Variants in ADGRL2 observed in about 807,000 individuals in gnomAD.
ADGRL2 encodes adhesion G protein-coupled receptor L2.
A neutral mutation model predicts 157.4 loss-of-function variants in ADGRL2; 44 were observed. That is an observed-to-expected ratio of 0.28 (90% CI 0.22 to 0.36). ADGRL2 has a LOEUF of 0.36. Ranked by LOEUF, ADGRL2 falls within the 10% of genes least tolerant of loss-of-function variation. ADGRL2 has a pLI of 1.00. For missense variants in ADGRL2, 1,510 were observed against 1,768.9 expected (o/e 0.85, Z 2.63); for synonymous variants, 585 against 624.7 (o/e 0.94, Z 0.95).
At chr1:81,660,931 CA>C (rs2148878975) in intron 3 of ADGRL2, among the ~76,000 whole-genome samples, 2 of 152,252 alleles carry the variant, frequency 1.3e-5, no homozygotes, top group South Asian at 4.1e-4. Context: ...GAGGAGAGTT[CA>C]GGGTGAAGTG....
chr1:81,418,474 G>T (rs556957039), intron 1 of ADGRL2, among the ~76,000 whole-genome samples: 10 of 152,164 alleles, frequency 6.6e-5, no homozygotes, highest in Non-Finnish European at 1.5e-4. Context: ...ATTCCAGGCC[G>T]AGTGTGGTGG....
At chr1:81,982,048 A>C in intron 19 of ADGRL2, 72 bp downstream of exon 19, 1 of 1,225,588 alleles carries the variant, frequency 8.2e-7, no homozygotes, top group Non-Finnish European at 1.1e-6. Flanking sequence ...TATAATAAAG[A>C]ATATTTTAAG....
At chr1:81,825,039 C>G (rs1230459728) in intron 1 of ADGRL2, among the ~76,000 whole-genome samples, 2 of 149,584 alleles carry the variant, frequency 1.3e-5, no homozygotes, top group African/African-American at 2.5e-5. Flanking sequence ...TTGCAACTTT[C>G]TTGTTGTTAA....
chr1:81,839,914 C>CAT (rs1050877293), intron 2 of ADGRL2, among the ~76,000 whole-genome samples: 1 of 126,342 alleles, frequency 7.9e-6, no homozygotes, highest in Non-Finnish European at 1.6e-5. Context: ...TATTTTCCAT[C>CAT]ATATATATAT....
chr1:81,622,015 A>C (rs1489117296), intron 3 of ADGRL2, among the ~76,000 whole-genome samples: 1 of 152,198 alleles, frequency 6.6e-6, no homozygotes, highest in African/African-American at 2.4e-5. Context: ...TTATCATTTG[A>C]AGTCCTATCC....
intron 1 of ADGRL2, among the ~76,000 whole-genome samples, chr1:81,409,220 C>T (rs749591552): frequency 4.6e-5 from 7 of 152,036 alleles, no homozygotes; most frequent in Non-Finnish European, 7.4e-5. Context: ...CTGGTGCATC[C>T]GCTACTAAAA....
At chr1:81,356,997 A>C (rs540186128) in intron 1 of ADGRL2, among the ~76,000 whole-genome samples, 1 of 145,510 alleles carries the variant, frequency 6.9e-6, no homozygotes, top group Non-Finnish European at 1.5e-5. Context: ...TTTAAAGCTC[A>C]TTAAGAATCA....
At chr1:81,614,778 A>T (rs1397936619) in intron 3 of ADGRL2, among the ~76,000 whole-genome samples, 2 of 152,068 alleles carry the variant, frequency 1.3e-5, no homozygotes, top group South Asian at 2.1e-4. Flanking sequence ...TAATCCGAGC[A>T]CTTTGGGAAG....
At chr1:81,695,494 T>G (rs1450983249), upstream of ADGRL2, among the ~76,000 whole-genome samples, 1 of 152,166 alleles carries the variant, frequency 6.6e-6, no homozygotes, top group Non-Finnish European at 1.5e-5. Context: ...ACCCCTTGGA[T>G]TAGCACACGG....
At chr1:81,593,618 T>C (rs960829975) in intron 3 of ADGRL2, among the ~76,000 whole-genome samples, 2 of 152,214 alleles carry the variant, frequency 1.3e-5, no homozygotes, top group African/African-American at 2.4e-5. Context: ...GGTTTTGGGC[T>C]CTATTACCTC....
chr1:81,802,747 CG>C (rs947585430), intron 1 of ADGRL2, among the ~76,000 whole-genome samples: 2 of 152,044 alleles, frequency 1.3e-5, no homozygotes, highest in African/African-American at 4.8e-5. Flanking sequence ...GTAAGTGGAG[CG>C]GGGAGGCTGA....
chr1:81,853,369 G>A (rs1034732123), intron 2 of ADGRL2, among the ~76,000 whole-genome samples: 4 of 152,148 alleles, frequency 2.6e-5, no homozygotes, highest in Admixed American at 2.0e-4. Context: ...AGGTGCTTAT[G>A]TGGCAAGAGG....
At position 81,742,153 on chromosome 1, in the gene ADGRL2, C is replaced by A. The variant is rs537311623; in HGVS notation, c.-142-19658C>A. Among the ~76,000 whole-genome samples, 12 of 152,010 alleles carry A rather than the reference C, an allele frequency of 7.9e-5. No individual in the cohort carries two copies. In the East Asian group the frequency reaches 2.3e-3, roughly 29 times the overall value. Reference sequence around the variant, plus strand: ...GCTTTGTCTACTAGCCATATGATTTCTTTAAATTTTTTTCTCTTTTAAACT... The same window carrying A: ...GCTTTGTCTACTAGCCATATGATTTATTTAAATTTTTTTCTCTTTTAAACT... On this transcript the variant is annotated intron_variant, in intron 1 of 20. Coordinates refer to the ADGRL2 transcript ENST00000359929.
At chr1:81,826,532 A>G (rs2091495608) in intron 1 of ADGRL2, among the ~76,000 whole-genome samples, 1 of 152,214 alleles carries the variant, frequency 6.6e-6, no homozygotes, top group African/African-American at 2.4e-5. Context: ...GAAAACTGTT[A>G]AAAAGATTTA....
intron 1 of ADGRL2, among the ~76,000 whole-genome samples, chr1:81,759,963 T>A (rs1292960345): frequency 6.6e-6 from 1 of 152,082 alleles, no homozygotes; most frequent in Non-Finnish European, 1.5e-5. Flanking sequence ...TTAGTGAGGA[T>A]AGGGGACCCA....
chr1:81,666,032 C>T (rs929527541), intron 3 of ADGRL2, among the ~76,000 whole-genome samples: 1 of 152,122 alleles, frequency 6.6e-6, no homozygotes, highest in Non-Finnish European at 1.5e-5. Flanking sequence ...AAAATCCTTC[C>T]TAAACAATCA....
At chr1:81,791,982 G>A (rs923854971) in intron 2 of ADGRL2, among the ~76,000 whole-genome samples, 1 of 152,158 alleles carries the variant, frequency 6.6e-6, no homozygotes, top group African/African-American at 2.4e-5. Flanking sequence ...TTAGTTTTGT[G>A]TATTAACTTA....
chr1:81,456,168 G>A (rs974106984), intron 2 of ADGRL2, among the ~76,000 whole-genome samples: 1 of 152,016 alleles, frequency 6.6e-6, no homozygotes, highest in Non-Finnish European at 1.5e-5. Flanking sequence ...GTTTACTTAG[G>A]ATATGATATT....
At chr1:81,988,771 T>A (rs955635725) in intron 23 of ADGRL2, among the ~76,000 whole-genome samples, 2 of 152,164 alleles carry the variant, frequency 1.3e-5, no homozygotes, top group African/African-American at 4.8e-5. Context: ...CAGATATTTT[T>A]TTTTTCTGAA....
Sources: allele counts gnomAD v4.1 joint callset (sites outside exome capture counted in the v4.1 genomes callset), GRCh38; gene constraint gnomAD v4.1.1; transcripts MANE v1.5; gene names NCBI Gene and HGNC (gene_info 2026-07-23, HGNC 2026-07-21).